The following DCLRE1A variants were observed in gnomAD, a reference collection of about 807,000 sequenced individuals.
DCLRE1A encodes DNA cross-link repair 1A protein.
A neutral mutation model predicts 91.9 loss-of-function variants in DCLRE1A; 64 were observed. The observed-to-expected ratio is 0.70, with a 90% CI of 0.57 to 0.86. DCLRE1A has a LOEUF of 0.86. Ranked by LOEUF, DCLRE1A falls within the 40% of genes least tolerant of loss-of-function variation. The pLI is 0.00. For synonymous variants in DCLRE1A, 416 were observed against 431.1 expected (o/e 0.96, Z 0.43); for missense variants, 1,145 against 1,213.3 (o/e 0.94, Z 0.84).
intron 8 of DCLRE1A, among the ~76,000 whole-genome samples, chr10:113,836,847 T>C (rs1426446046): frequency 6.6e-6 from 1 of 152,230 alleles, no homozygotes; most frequent in Non-Finnish European, 1.5e-5. Context: ...CAAAGTGAAA[T>C]GATCTGTATT....
At position 113,844,203 on chromosome 10, in the gene DCLRE1A, C is replaced by G. The variant is rs1845493841; in HGVS notation, c.2420G>C (p.Gly807Ala). Residue 807 changes from glycine (G) to alanine (A), a missense_variant, in exon 5 of 9, where the codon GGT (glycine) becomes GCT (alanine). Gly to Ala is a moderately conservative substitution (Grantham distance 60). Transcript: ENST00000361384. ...GTCTCCCGTGTGTAATATGACAGTA[C>G]CATTAGGAAGATAAAAGAGGATCAT... Reference protein sequence around the residue: ...AVMILFYLPNGTVILHTGDFR... With the variant: ...AVMILFYLPNATVILHTGDFR... 7 of 1,614,028 alleles carry G rather than the reference C, an allele frequency of 4.3e-6. No individual in the cohort carries two copies. Among genetic ancestry groups the G allele is most frequent in the Non-Finnish European group, 5.9e-6 (7 of 1,179,986 alleles).
chr10:113,839,186 A>G (rs545790877), intron 7 of DCLRE1A, among the ~76,000 whole-genome samples: 6 of 151,934 alleles, frequency 3.9e-5, no homozygotes, highest in South Asian at 2.1e-4. Flanking sequence ...TTAGCTGGGC[A>G]TGGTGGCAGG....
At chr10:113,842,707 ATTTCT>A (rs1319230928) in intron 5 of DCLRE1A, among the ~76,000 whole-genome samples, 1 of 152,098 alleles carries the variant, frequency 6.6e-6, no homozygotes, top group Non-Finnish European at 1.5e-5. Flanking sequence ...TTTTCATTAT[ATTTCT>A]TTTATCACTC....
At chr10:113,839,533 AAAG>A (rs1393082735) in intron 7 of DCLRE1A, among the ~76,000 whole-genome samples, 2 of 152,150 alleles carry the variant, frequency 1.3e-5, no homozygotes, top group Admixed American at 1.3e-4. Flanking sequence ...AAAAGAAAAA[AAAG>A]AAGTCTTCAG....
At chr10:113,848,849 A>G in intron 2 of DCLRE1A, 131 bp downstream of exon 2, 1 of 845,548 alleles carries the variant, frequency 1.2e-6, no homozygotes. Context: ...AGGCTCATGA[A>G]GTATCACAAA....
rs893916745 is a variant in DCLRE1A, at chr10:113,849,315, G to A, written c.1790C>T (p.Ser597Leu). 2.0e-5 allele frequency: 33 copies of A among 1,613,996 alleles called. No individual in the cohort carries two copies. Among genetic ancestry groups the A allele is most frequent in the Admixed American group, 8.3e-5 (5 of 60,010 alleles). ...PVPSPNQKRS[S>L]QCKRKAEKSL... ...TTTTTCTGCTTTCCTCTTGCACTGC[G>A]AGGACCTCTTTTGATTAGGACTTGG... The change falls in exon 2 of 9, where the codon TCG becomes TTG. Residue 597 changes from serine (S) to leucine (L), a missense_variant. Ser to Leu is a moderately radical substitution (Grantham distance 145, BLOSUM62 -2). Coordinates refer to ENST00000361384, the MANE Select transcript of DCLRE1A (RefSeq NM_014881.5).
intron 8 of DCLRE1A, among the ~76,000 whole-genome samples, chr10:113,836,092 G>T (rs1399191528): frequency 3.3e-5 from 5 of 152,114 alleles, no homozygotes; most frequent in African/African-American, 7.2e-5. Context: ...TGTCATGATT[G>T]TAAGTTTCCT....
In DCLRE1A at chr10:113,849,139, G is replaced by A; in HGVS notation, c.1966C>T (p.Leu656Phe). 1 of 1,614,016 alleles carries A rather than the reference G, an allele frequency of 6.2e-7. No individual in the cohort carries two copies. Among genetic ancestry groups the A allele is most frequent in the Non-Finnish European group, 8.5e-7 (1 of 1,180,002 alleles). ...ACTGCTTCAGATTCTGTATTAATAA[G>A]GTGATCTGATCTCTTCTGACACGCT... ...EGACQKRSDH[L>F]INTESEAVNL... is the part of the protein sequence containing the mutation. Residue 656 changes from leucine (L) to phenylalanine (F), a missense_variant, in exon 2 of 9, where the codon CTT becomes TTT. By Grantham distance (22) the Leu-to-Phe change is conservative. Transcript: ENST00000361384.
At chr10:113,837,248 T>C (rs1012991091) in intron 7 of DCLRE1A, 45 bp from the exon 8 acceptor site, 7 of 1,571,942 alleles carry the variant, frequency 4.5e-6, no homozygotes, top group East Asian at 2.3e-5. Context: ...AGACGAGTTA[T>C]ATGGAATAAA....
chr10:113,852,580 C>T (rs1845671791), intron 1 of DCLRE1A, 143 bp downstream of exon 1: 1 of 762,810 alleles, frequency 1.3e-6, no homozygotes, highest in Non-Finnish European at 2.1e-6. Flanking sequence ...TACAATTATA[C>T]CGTTGACTGG....
At position 113,849,745 on chromosome 10, in the gene DCLRE1A, T is replaced by G; in HGVS notation, c.1360A>C (p.Asn454His). ...TTAACTAACGGAAGAGAAACTTGATTGTAAACAGATGATTCTTCAATTACC... is the reference window on the plus strand; with the variant it reads ...TTAACTAACGGAAGAGAAACTTGATGGTAAACAGATGATTCTTCAATTACC... ...KQVIEESSVY[N>H]QVSLPLVKSL... The change falls in exon 2 of 9, where the codon AAT (asparagine) becomes CAT (histidine). Residue 454 changes from asparagine (N) to histidine (H), a missense_variant. Asn to His is a moderately conservative substitution (Grantham distance 68). Coordinates refer to ENST00000361384, the MANE Select transcript of DCLRE1A (RefSeq NM_014881.5). 1.2e-6 allele frequency: 2 copies of G among 1,614,206 alleles called. No individual in the cohort carries two copies. Among genetic ancestry groups the G allele is most frequent in the Non-Finnish European group, 1.7e-6 (2 of 1,180,038 alleles).
rs745968545 is a variant in DCLRE1A, at chr10:113,844,175, G to T, written c.2448C>A (p.Phe816Leu). The T allele has an allele frequency of 3.1e-6, 5 of 1,614,158 alleles. No individual in the cohort carries two copies. The highest frequency in any genetic ancestry group is 4.2e-6 in the Non-Finnish European group (5 of 1,180,034). ...AACGTTCCATGCTGGGATCTGCTCT[G>T]AAGTCTCCCGTGTGTAATATGACAG... The part of the protein sequence containing the change: ...NGTVILHTGD[F>L]RADPSMERSL... The change falls in exon 5 of 9, where the codon TTC becomes TTA. Residue 816 changes from phenylalanine (F) to leucine (L), a missense_variant. Physicochemically the swap from Phe to Leu is conservative, Grantham distance 22 (BLOSUM62 0). Coordinates refer to ENST00000361384, the MANE Select transcript of DCLRE1A (RefSeq NM_014881.5).
At position 113,841,513 on chromosome 10, in the gene DCLRE1A, A is replaced by G; in HGVS notation, c.2713T>C (p.Tyr905His). 6.2e-7 allele frequency: 1 copy of G among 1,613,020 alleles called. No individual in the cohort carries two copies. Among genetic ancestry groups the G allele is most frequent in the Non-Finnish European group, 8.5e-7 (1 of 1,179,534 alleles). ...ATATTGAGGCACTGTAGAGTTTTAT[A>G]TTTTTCCTGGGACATGCCCACTTTT... ...GSKVGMSQEK[Y>H]KTLQCLNIPE... Residue 905 changes from tyrosine to histidine, a missense_variant, in exon 7 of 9, where the codon TAT becomes CAT. By Grantham distance (83) the Tyr-to-His change is moderately conservative. Transcript: ENST00000361384.
intron 2 of DCLRE1A, among the ~76,000 whole-genome samples, chr10:113,847,984 G>T (rs1845567167): frequency 6.6e-6 from 1 of 152,152 alleles, no homozygotes; most frequent in African/African-American, 2.4e-5. Flanking sequence ...CAATTCTATT[G>T]AGGCTTATCA....
In DCLRE1A at chr10:113,849,383, C is replaced by A. The variant is rs1201725498; in HGVS notation, c.1722G>T (p.Leu574Phe). 1.2e-6 allele frequency: 2 copies of A among 1,613,728 alleles called. No homozygotes were observed. Among genetic ancestry groups the A allele is most frequent in the Admixed American group, 3.3e-5 (2 of 59,974 alleles). ...TCCCTTCTAATGCACTTTCCCCTAG[C>A]AATTTCTCTTCCTTTCTTTTGGGAG... Reference protein sequence around the residue: ...GLPPKRKEEKLLGESALEGIN... With the variant: ...GLPPKRKEEKFLGESALEGIN... Residue 574 changes from leucine (L) to phenylalanine (F), a missense_variant, in exon 2 of 9, where the codon TTG (leucine) becomes TTT (phenylalanine). Transcript: ENST00000361384.
rs1845345182 is a variant in DCLRE1A, at chr10:113,835,303, T to C, written c.2972A>G (p.Tyr991Cys). ...TTCTAGGTAGCTGCTGTGTTCACTG[T>C]AAGGAATTCCTGTAACAAAAAATAA... ...KGNISIYGIP[Y>C]SEHSSYLEMK... is the part of the protein sequence containing the mutation. The change falls in exon 9 of 9, where the codon TAC (tyrosine) becomes TGC (cysteine). Residue 991 changes from tyrosine (Y) to cysteine (C), a missense_variant. Coordinates refer to ENST00000361384, the MANE Select transcript of DCLRE1A (RefSeq NM_014881.5). The C allele has an allele frequency of 2.5e-6, 4 of 1,590,024 alleles. No homozygotes were observed. Among genetic ancestry groups the C allele is most frequent in the Non-Finnish European group, 3.4e-6 (4 of 1,172,384 alleles).
chr10:113,850,940 G>T (rs1011238976), intron 1 of DCLRE1A, among the ~76,000 whole-genome samples: 1 of 151,948 alleles, frequency 6.6e-6, no homozygotes, highest in Non-Finnish European at 1.5e-5. Flanking sequence ...ATATCCCTGT[G>T]TATGTTAATT....
chr10:113,852,735 G>T lies in DCLRE1A; in HGVS notation c.448C>A (p.Arg150Ser). Reference protein sequence around the residue: ...HVFECLDSPPRSETECPDGLL... With the variant: ...HVFECLDSPPSSETECPDGLL... ...TCTGCAGTCTTACCTGTTTCAGAGC[G>T]TGGTGGAGAATCCAAACATTCAAAA... is the stretch of plus-strand genomic sequence containing the variant. The change falls in exon 1 of 9, where the codon CGC (arginine) becomes AGC (serine). Residue 150 changes from arginine to serine, a missense_variant. Coordinates refer to ENST00000361384, the MANE Select transcript of DCLRE1A (RefSeq NM_014881.5). The T allele has an allele frequency of 6.2e-7, 1 of 1,613,866 alleles. No homozygotes were observed. Among genetic ancestry groups the T allele is most frequent in the Non-Finnish European group, 8.5e-7 (1 of 1,179,846 alleles).
At chr10:113,839,751 T>C (rs1394093575) in intron 7 of DCLRE1A, among the ~76,000 whole-genome samples, 3 of 152,188 alleles carry the variant, frequency 2.0e-5, no homozygotes, top group Non-Finnish European at 4.4e-5. Context: ...CACCTGCCCT[T>C]TCTCAGCTTT....
Sources: gnomAD v4.1 joint callset for allele counts (sites outside exome capture counted in the v4.1 genomes callset) on GRCh38, gnomAD v4.1.1 for gene constraint, MANE v1.5 for transcripts, NCBI Gene and HGNC (gene_info 2026-07-23, HGNC 2026-07-21) for gene names.